The following GAREM2 variants were observed in gnomAD, a reference collection of about 807,000 sequenced individuals.
The protein encoded by GAREM2 is GRB2 associated regulator of MAPK1 subtype 2.
GAREM2 carries 30 observed loss-of-function variants against 55.6 expected under a neutral mutation model. The observed-to-expected ratio is 0.54, with a 90% CI of 0.40 to 0.73. GAREM2 has a LOEUF of 0.73. Ranked by LOEUF, GAREM2 falls within the 30% of genes least tolerant of loss-of-function variation. GAREM2 has a pLI of 0.00. For missense variants in GAREM2, 1,075 were observed against 1,257.7 expected (o/e 0.85, Z 2.20); for synonymous variants, 550 against 569.1 (o/e 0.97, Z 0.48).
the GAREM2 span, among the ~76,000 whole-genome samples, chr2:26,195,494 A>T: frequency 6.6e-6 from 1 of 150,842 alleles, no homozygotes; most frequent in Non-Finnish European, 1.5e-5. Context: ...CAGTGCCAAA[A>T]CCACAGCTCG....
chr2:26,191,010 C>T (rs932623692), downstream of GAREM2: 13 of 590,332 alleles, frequency 2.2e-5, no homozygotes, highest in Admixed American at 1.1e-4. Context: ...CTCTAGGCCT[C>T]GGGGCTTATA....
intron 1 of GAREM2, 27 bp from the exon 2 acceptor site, chr2:26,176,317 A>G: frequency 6.7e-7 from 1 of 1,497,994 alleles, no homozygotes; most frequent in Non-Finnish European, 9.0e-7. Context: ...CCTTCCCCTC[A>G]TCCTCTGTCC....
In GAREM2 at chr2:26,184,305, C is replaced by T; in HGVS notation, c.457C>T (p.Leu153Phe). 1 of 1,551,062 alleles carries T rather than the reference C, an allele frequency of 6.4e-7. No individual in the cohort carries two copies. The highest frequency in any genetic ancestry group is 8.7e-7 in the Non-Finnish European group (1 of 1,146,842). ...FTLHAGDELT[L>F]MGQAEILCAK... ...GCTGCATGCGGGCGACGAGCTCACT[C>T]TTATGGGCCAGGCGGAGATCCTGTG... Residue 153 changes from leucine (L) to phenylalanine (F), a missense_variant, in exon 4 of 6, where the codon CTT (leucine) becomes TTT (phenylalanine). Around this residue, in one of 6 missense-constraint regions of GAREM2, gnomAD observed 230 missense variants for 310.6 expected, o/e 0.74. Transcript: ENST00000401533.
the GAREM2 span, chr2:26,197,753 C>T: frequency 6.5e-7 from 1 of 1,542,060 alleles, no homozygotes; most frequent in Non-Finnish European, 9.0e-7. Flanking sequence ...GTGTTACTGG[C>T]AAAGATACAG....
the GAREM2 span, chr2:26,194,766 T>G: frequency 1.3e-6 from 1 of 742,132 alleles, no homozygotes; most frequent in Non-Finnish European, 2.4e-6. Flanking sequence ...ACTTAAAATC[T>G]CAATCAGAAT....
downstream of GAREM2, among the ~76,000 whole-genome samples, chr2:26,193,293 CTTTTTTTTT>C (rs370942158): frequency 4.3e-5 from 5 of 115,166 alleles, no homozygotes; most frequent in South Asian, 3.1e-4. Flanking sequence ...CACATGACAT[CTTTTTTTTT>C]TTTTTTTTTT....
At chr2:26,201,463 A>C in the GAREM2 span, 6 of 640,192 alleles carry the variant, frequency 9.4e-6, no homozygotes, top group East Asian at 8.1e-5. Context: ...GAGACTTTCA[A>C]GTTGTTTAGT....
Position 26,180,580 on chromosome 2 carries a change from G to T in GAREM2, c.254-2387G>T, listed in dbSNP as rs183771793. 2.1e-3 allele frequency: 316 copies of T among 152,966 alleles called. 2 individuals are homozygous for T. Among genetic ancestry groups the T allele is most frequent in the Non-Finnish European group, 3.4e-3 (234 of 68,570 alleles). 9.5% of individuals were successfully genotyped at this position (152,966 alleles called of 1,614,324 possible). A position where few individuals can be genotyped will look rare whatever the true frequency, so the allele number is the denominator to read the frequency against. On this transcript the variant is annotated intron_variant, in intron 2 of 5. Transcript: ENST00000401533. ...TGGCCCCACAACATGTTTCTTCTGG[G>T]TTCCCAGTTTTGGTTAACAGCTCTG... is the stretch of plus-strand genomic sequence containing the variant.
rs1668960558 is a variant in GAREM2, at chr2:26,179,082, G to A, written c.253+2598G>A. On this transcript the variant is annotated intron_variant, in intron 2 of 5. Coordinates refer to ENST00000401533, the MANE Select transcript of GAREM2 (RefSeq NM_001168241.2). The surrounding 1 kb of genome is among the most constrained non-coding windows in gnomAD (Gnocchi z 4.7). ...AAGGCCGTGGAGGGAGGAGGACGGC[G>A]ACTCGCGCCGGGTGGGGCTGAAGGC... 6.6e-6 allele frequency among the ~76,000 whole-genome samples: 1 copy of A among 152,184 alleles called. No individual in the cohort carries two copies. Among genetic ancestry groups the A allele is most frequent in the Non-Finnish European group, 1.5e-5 (1 of 68,014 alleles).
At chr2:26,183,417 G>T (rs1179940353) in intron 3 of GAREM2, among the ~76,000 whole-genome samples, 1 of 152,178 alleles carries the variant, frequency 6.6e-6, no homozygotes, top group East Asian at 1.9e-4. Context: ...TGGTGAGCAG[G>T]CAGTGTAAAT....
At position 26,187,467 on chromosome 2, in the gene GAREM2, C is replaced by A. The variant is rs557647163; in HGVS notation, c.1835C>A (p.Pro612His). Residue 612 changes from proline (P) to histidine (H), a missense_variant, in exon 6 of 6, where the codon CCT (proline) becomes CAT (histidine). Physicochemically the swap from Pro to His is moderately conservative, Grantham distance 77 (BLOSUM62 -2). Coordinates refer to ENST00000401533, the MANE Select transcript of GAREM2 (RefSeq NM_001168241.2). ...CCTGTTAAGACCTACCACAGCTGCC[C>A]TCCTCTATTCAAGCCCTCACATCCC... ...DTPVKTYHSC[P>H]PLFKPSHPQK... The A allele has an allele frequency of 3.9e-6, 6 of 1,548,288 alleles. No homozygotes were observed. The highest frequency in any genetic ancestry group is 4.4e-6 in the Non-Finnish European group (5 of 1,145,442).
chr2:26,176,617 A>T, intron 2 of GAREM2, 133 bp downstream of exon 2: 1 of 759,138 alleles, frequency 1.3e-6, no homozygotes, highest in Non-Finnish European at 1.8e-6. Context: ...AGAGCCCAGC[A>T]GTTTTCATTC....
At chr2:26,183,564 A>T (rs1669125956) in intron 3 of GAREM2, among the ~76,000 whole-genome samples, 1 of 152,182 alleles carries the variant, frequency 6.6e-6, no homozygotes, top group Admixed American at 6.5e-5. Context: ...TCTCTACAAA[A>T]AATGTTAAAA....
At chr2:26,194,429 G>C (rs113065649), downstream of GAREM2, 2 of 718,216 alleles carry the variant, frequency 2.8e-6, no homozygotes. Flanking sequence ...GCTGTGCAGA[G>C]AGAGGGCACC....
chr2:26,188,792 C>G lies in GAREM2; in HGVS notation c.*535C>G, dbSNP rs1264137367. On this transcript the variant is annotated 3_prime_UTR_variant, in exon 6 of 6. Transcript: ENST00000401533. ...GCCTTTCCCTTCCCCCTCTGCTCCA[C>G]CGTGGTTGAGGGGGGTGGGGCCTGG... The G allele has an allele frequency of 6.6e-6, 1 of 152,538 alleles. No homozygotes were observed. The highest frequency in any genetic ancestry group is 1.5e-5 in the Non-Finnish European group (1 of 68,280). 9.4% of individuals were successfully genotyped at this position (152,538 alleles called of 1,614,324 possible). A position where few individuals can be genotyped will look rare whatever the true frequency, so the allele number is the denominator to read the frequency against.
chr2:26,184,429 GCGCGGGGGCCGCGGGAGGCACTGGC>G lies in GAREM2; in HGVS notation c.582_606del (p.Ser194ArgfsTer18), dbSNP rs1669153232. On this transcript the variant is annotated frameshift_variant, in exon 4 of 6. Transcript: ENST00000401533. LOFTEE classifies it high-confidence loss of function. ...GGGGTGGGCGGCGGCGGCCCAGCGA[GCGCGGGGGCCGCGGGAGGCACTGGC>G]GGCGGGGGCGCCAGGCCGGTCAAAG... 6.8e-7 allele frequency: 1 copy of G among 1,473,270 alleles called. No homozygotes were observed. Among genetic ancestry groups the G allele is most frequent in the Non-Finnish European group, 9.0e-7 (1 of 1,110,930 alleles). The allele number at this position is 1,473,270 out of a possible 1,614,324, so 91.3% of individuals were successfully genotyped here. A position where few individuals can be genotyped will look rare whatever the true frequency, so the allele number is the denominator to read the frequency against.
the GAREM2 span, among the ~76,000 whole-genome samples, chr2:26,202,638 G>C: frequency 6.6e-6 from 1 of 152,214 alleles, no homozygotes; most frequent in Non-Finnish European, 1.5e-5. Flanking sequence ...CTATTCGTGA[G>C]GCTGAGGCAT....
the GAREM2 span, among the ~76,000 whole-genome samples, chr2:26,195,771 A>G: frequency 1.3e-5 from 2 of 152,190 alleles, no homozygotes; most frequent in African/African-American, 2.4e-5. Flanking sequence ...CCCGGACCCA[A>G]CAAGCACTGT....
chr2:26,193,733 T>A (rs1051580353), downstream of GAREM2: 1 of 1,614,156 alleles, frequency 6.2e-7, no homozygotes, highest in Non-Finnish European at 8.5e-7. Context: ...AAGCCAAAGC[T>A]TGTGGTCAGG....
Sources: allele counts gnomAD v4.1 joint callset (sites outside exome capture counted in the v4.1 genomes callset), GRCh38; gene constraint gnomAD v4.1.1; regional missense constraint gnomAD v4.1.1; non-coding constraint Gnocchi (gnomAD v3.1); transcripts MANE v1.5; gene names NCBI Gene and HGNC (gene_info 2026-07-23, HGNC 2026-07-21).